The following CSMD3 variants were observed in gnomAD, a reference collection of about 807,000 sequenced individuals.
CSMD3 encodes CUB and sushi domain-containing protein 3.
CSMD3 carries 177 observed loss-of-function variants against 435.2 expected under a neutral mutation model. The ratio of observed to expected loss-of-function variants is 0.41; its 90% CI spans 0.36 to 0.46. CSMD3 has a LOEUF of 0.46. Ranked by LOEUF, CSMD3 falls within the 20% of genes least tolerant of loss-of-function variation. CSMD3 has a pLI of 0.34. For synonymous variants in CSMD3, 1,656 were observed against 1,520.5 expected, an observed-to-expected ratio of 1.09 and a Z score of -2.07; for missense variants, 4,265 against 4,504.6, an observed-to-expected ratio of 0.95 and a Z score of 1.52.
intron 13 of CSMD3, among the ~76,000 whole-genome samples, chr8:112,718,396 C>G (rs2076781024): frequency 6.6e-6 from 1 of 151,868 alleles, no homozygotes; most frequent in South Asian, 2.1e-4. Flanking sequence ...GTCTTCTCAA[C>G]TCAACTCAAC....
chr8:113,126,051 T>C (rs145441755), intron 4 of CSMD3, among the ~76,000 whole-genome samples: 1 of 152,018 alleles, frequency 6.6e-6, no homozygotes, highest in African/African-American at 2.4e-5. Flanking sequence ...TGTTACAGTA[T>C]AATTATCTCC....
chr8:112,286,976 G>A (rs1307150750), intron 58 of CSMD3, 88 bp downstream of exon 58: 2 of 1,023,162 alleles, frequency 2.0e-6, no homozygotes, highest in East Asian at 2.4e-5. Flanking sequence ...AAACTAGTAA[G>A]AGTAATTTTC....
chr8:113,253,779 C>T (rs2093355490), intron 3 of CSMD3, among the ~76,000 whole-genome samples: 1 of 150,832 alleles, frequency 6.6e-6, no homozygotes, highest in Admixed American at 6.6e-5. Context: ...TTGGAGGTTG[C>T]AGTGACCCGA....
chr8:112,414,503 C>T (rs371006266), intron 32 of CSMD3, among the ~76,000 whole-genome samples: 1 of 152,132 alleles, frequency 6.6e-6, no homozygotes, highest in African/African-American at 2.4e-5. Flanking sequence ...ATCAATTAAA[C>T]CTTTTTCCTT....
chr8:112,607,279 A>C (rs1304740922), intron 22 of CSMD3, among the ~76,000 whole-genome samples: 3 of 151,912 alleles, frequency 2.0e-5, no homozygotes, highest in Non-Finnish European at 4.4e-5. Context: ...ACTTACAAAG[A>C]CTTATAAAGA....
At chr8:112,658,619 T>C (rs917944636) in intron 17 of CSMD3, among the ~76,000 whole-genome samples, 4 of 152,128 alleles carry the variant, frequency 2.6e-5, no homozygotes, top group Non-Finnish European at 4.4e-5. Flanking sequence ...GAAGGAAAGA[T>C]AAAGGAACAC....
intron 1 of CSMD3, among the ~76,000 whole-genome samples, chr8:113,336,943 T>C (rs1488143810): frequency 6.6e-6 from 1 of 152,104 alleles, no homozygotes; most frequent in Non-Finnish European, 1.5e-5. Flanking sequence ...GCTCCCCACT[T>C]AGTCTTTTTT....
chr8:112,537,636 A>G (rs1438309039), intron 27 of CSMD3, among the ~76,000 whole-genome samples: 2 of 151,936 alleles, frequency 1.3e-5, no homozygotes, highest in Non-Finnish European at 2.9e-5. Context: ...TTAGAAGTAC[A>G]TGAATTTCTA....
At chr8:112,741,954 C>CA (rs766676038) in intron 13 of CSMD3, among the ~76,000 whole-genome samples, 49 of 151,614 alleles carry the variant, frequency 3.2e-4, no homozygotes, top group Admixed American at 1.1e-3. Context: ...GGTCTTCAAG[C>CA]AAAGAAAGAG....
chr8:112,462,154 C>T (rs1817511513), intron 32 of CSMD3, among the ~76,000 whole-genome samples: 1 of 152,214 alleles, frequency 6.6e-6, no homozygotes, highest in Non-Finnish European at 1.5e-5. Flanking sequence ...GCTCAATCTT[C>T]TCTTCAGTTT....
rs567243204 is a variant in CSMD3, at chr8:113,357,797, TG to T, written c.179-43005del. 2.7e-4 allele frequency among the ~76,000 whole-genome samples: 41 copies of T among 152,248 alleles called. No individual in the cohort carries two copies. In the South Asian group the frequency reaches 7.9e-3, roughly 29 times the overall value. ...CTCACAAGATCTGGGTGTTTAAAGGTGTATAGCACTTCCCCCTTTCCTCTCT... is the reference window on the plus strand; with the variant it reads ...CTCACAAGATCTGGGTGTTTAAAGGTTATAGCACTTCCCCCTTTCCTCTCT... On this transcript the variant is annotated intron_variant, in intron 1 of 70. Coordinates refer to ENST00000297405, the MANE Select transcript of CSMD3 (RefSeq NM_198123.2).
intron 24 of CSMD3, among the ~76,000 whole-genome samples, chr8:112,570,946 T>C (rs776995081): frequency 9.2e-5 from 14 of 152,220 alleles, no homozygotes; most frequent in African/African-American, 1.7e-4. Context: ...TTCCCACTTC[T>C]GTAGTTTCCA....
At chr8:113,023,160 G>A (rs2086744962) in intron 5 of CSMD3, among the ~76,000 whole-genome samples, 1 of 151,698 alleles carries the variant, frequency 6.6e-6, no homozygotes. Flanking sequence ...AGCCATATCT[G>A]GTTTTCAAAC....
chr8:112,230,636 T>C (rs1158039553), intron 69 of CSMD3, among the ~76,000 whole-genome samples: 1 of 151,848 alleles, frequency 6.6e-6, no homozygotes, highest in Non-Finnish European at 1.5e-5. Flanking sequence ...TAGAAATACA[T>C]AGCCAGGCAT....
chr8:112,395,790 T>C (rs925183649), intron 35 of CSMD3, among the ~76,000 whole-genome samples: 2 of 152,134 alleles, frequency 1.3e-5, no homozygotes, highest in Non-Finnish European at 2.9e-5. Flanking sequence ...GACTGCATAG[T>C]TTAAGAAATG....
chr8:112,436,264 T>C (rs138712451), intron 32 of CSMD3, among the ~76,000 whole-genome samples: 4 of 152,004 alleles, frequency 2.6e-5, no homozygotes, highest in African/African-American at 7.2e-5. Context: ...AATTTCCATA[T>C]AAATGTATAT....
intron 6 of CSMD3, among the ~76,000 whole-genome samples, chr8:113,011,399 C>T (rs1189969547): frequency 1.3e-5 from 2 of 151,634 alleles, no homozygotes; most frequent in African/African-American, 2.4e-5. Context: ...GTTCAGCTTA[C>T]CAGGGTATGT....
At chr8:112,955,003 G>T (rs559928493) in intron 7 of CSMD3, among the ~76,000 whole-genome samples, 1 of 151,486 alleles carries the variant, frequency 6.6e-6, no homozygotes, top group East Asian at 1.9e-4. Context: ...AGTTTTTTAA[G>T]CTGTGCTTTT....
intron 1 of CSMD3, among the ~76,000 whole-genome samples, chr8:113,400,070 A>G (rs191495993): frequency 6.0e-4 from 91 of 151,946 alleles, no homozygotes; most frequent in Non-Finnish European, 9.4e-4. Context: ...TTGCAGCAAT[A>G]TCCCTATTTA....
Sources: allele counts gnomAD v4.1 joint callset (sites outside exome capture counted in the v4.1 genomes callset), GRCh38; gene constraint gnomAD v4.1.1; transcripts MANE v1.5; gene names NCBI Gene and HGNC (gene_info 2026-07-23, HGNC 2026-07-21).